The following TENM4 variants were observed in gnomAD, a reference collection of about 807,000 sequenced individuals.
TENM4 encodes teneurin transmembrane protein 4.
TENM4 carries 82 observed loss-of-function variants against 243.3 expected under a neutral mutation model. The ratio of observed to expected loss-of-function variants is 0.34; its 90% CI spans 0.28 to 0.40. TENM4 has a LOEUF of 0.40. Among genes scored for constraint, TENM4 ranks in the 10% least tolerant of loss-of-function variants. The pLI, the probability that TENM4 is intolerant of heterozygous loss-of-function variation, is 1.00. For missense variants in TENM4, 3,138 were observed against 3,673.3 expected, an observed-to-expected ratio of 0.85 and a Z score of 3.77; for synonymous variants, 1,412 against 1,456.3, an observed-to-expected ratio of 0.97 and a Z score of 0.69.
intron 6 of TENM4, among the ~76,000 whole-genome samples, chr11:79,052,710 T>C (rs972139): frequency 0.86 from 130,513 of 152,174 alleles, 57,306 homozygotes; most frequent in Non-Finnish European, 0.97. Flanking sequence ...TCTCTTGGGG[T>C]CGCCATCTGC....
At chr11:79,364,956 G>T (rs1857651558) in intron 1 of TENM4, among the ~76,000 whole-genome samples, 1 of 152,154 alleles carries the variant, frequency 6.6e-6, no homozygotes, top group South Asian at 2.1e-4. Context: ...AAATTTAGTT[G>T]TTTTTATGAA....
chr11:79,363,766 T>G (rs956998149), intron 1 of TENM4, among the ~76,000 whole-genome samples: 2 of 152,220 alleles, frequency 1.3e-5, no homozygotes, highest in Non-Finnish European at 2.9e-5. Context: ...CTAAAAATAA[T>G]AGATTGCACA....
At chr11:79,060,201 C>T (rs554438159) in intron 6 of TENM4, among the ~76,000 whole-genome samples, 40 of 152,368 alleles carry the variant, frequency 2.6e-4, no homozygotes, top group Non-Finnish European at 3.8e-4. Context: ...CCTCCCGACC[C>T]CCAGCCTGTT....
intron 2 of TENM4, among the ~76,000 whole-genome samples, chr11:79,228,439 C>T (rs1024415847): frequency 7.9e-5 from 12 of 152,188 alleles, no homozygotes; most frequent in African/African-American, 2.9e-4. Flanking sequence ...TGCCTCACCT[C>T]CCGGGAAACC....
chr11:78,841,781 GAAGT>G (rs1858263901), intron 12 of TENM4, among the ~76,000 whole-genome samples: 1 of 152,000 alleles, frequency 6.6e-6, no homozygotes, highest in Non-Finnish European at 1.5e-5. Flanking sequence ...GCTCTGTCTA[GAAGT>G]AACTGTTTCC....
chr11:79,269,910 C>T (rs1185859142), intron 2 of TENM4, among the ~76,000 whole-genome samples: 1 of 152,146 alleles, frequency 6.6e-6, no homozygotes, highest in Non-Finnish European at 1.5e-5. Context: ...GCAGGATTAA[C>T]TACTTCTGGG....
At chr11:79,166,457 G>A (rs570964998) in intron 3 of TENM4, among the ~76,000 whole-genome samples, 44 of 152,230 alleles carry the variant, frequency 2.9e-4, no homozygotes, top group African/African-American at 1.0e-3. Context: ...GCCCCTGAAA[G>A]GTTTATGCAC....
At chr11:78,836,603 A>T (rs1204422489) in intron 12 of TENM4, among the ~76,000 whole-genome samples, 1 of 152,176 alleles carries the variant, frequency 6.6e-6, no homozygotes, top group Non-Finnish European at 1.5e-5. Flanking sequence ...TGTTTTGGGG[A>T]TGCGGATGTA....
chr11:79,439,698 C>A (rs1314508099), intron 1 of TENM4, among the ~76,000 whole-genome samples: 3 of 152,060 alleles, frequency 2.0e-5, no homozygotes, highest in African/African-American at 7.2e-5. Context: ...CACACGCCGC[C>A]CCACTACCTT....
chr11:78,764,872 T>A (rs1020537723), intron 18 of TENM4, among the ~76,000 whole-genome samples: 1 of 152,162 alleles, frequency 6.6e-6, no homozygotes, highest in Non-Finnish European at 1.5e-5. Context: ...GCTGGATTAT[T>A]TCCTGGAAGA....
intron 28 of TENM4, among the ~76,000 whole-genome samples, chr11:78,689,893 G>A (rs1858777198): frequency 6.6e-6 from 1 of 152,188 alleles, no homozygotes; most frequent in Non-Finnish European, 1.5e-5. Context: ...ATCAATTCTG[G>A]GGGAGGGGCC....
intron 1 of TENM4, among the ~76,000 whole-genome samples, chr11:79,310,338 G>T (rs1041938446): frequency 1.3e-5 from 2 of 152,138 alleles, no homozygotes; most frequent in African/African-American, 4.8e-5. Context: ...AAGATAATAA[G>T]ACTTTGGCCT....
intron 9 of TENM4, among the ~76,000 whole-genome samples, chr11:78,865,290 G>A (rs1055773462): frequency 1.3e-5 from 2 of 152,082 alleles, no homozygotes; most frequent in Non-Finnish European, 2.9e-5. Flanking sequence ...ATTAACACAC[G>A]CAAGGTTAAA....
chr11:78,836,892 T>TA (rs1247269931), intron 12 of TENM4, among the ~76,000 whole-genome samples: 2 of 152,212 alleles, frequency 1.3e-5, no homozygotes, highest in Non-Finnish European at 2.9e-5. Context: ...TACAGGTGTG[T>TA]AACAGAGCTG....
chr11:78,785,293 G>A (rs942848834), intron 16 of TENM4, among the ~76,000 whole-genome samples: 1 of 152,130 alleles, frequency 6.6e-6, no homozygotes, highest in African/African-American at 2.4e-5. Flanking sequence ...GTAACATGAC[G>A]CAGCACAACC....
chr11:79,146,466 G>T (rs1454160202), intron 4 of TENM4, among the ~76,000 whole-genome samples: 1 of 152,090 alleles, frequency 6.6e-6, no homozygotes, highest in Non-Finnish European at 1.5e-5. Context: ...GATGGCCAAG[G>T]TGTGGAAACA....
chr11:78,744,574 C>T (rs1326471797), intron 19 of TENM4, among the ~76,000 whole-genome samples: 4 of 152,184 alleles, frequency 2.6e-5, no homozygotes, highest in South Asian at 4.1e-4. Flanking sequence ...CTGACCGACA[C>T]GTACTGAAAT....
At chr11:79,067,299 A>G (rs1363032692) in intron 5 of TENM4, among the ~76,000 whole-genome samples, 1 of 152,098 alleles carries the variant, frequency 6.6e-6, no homozygotes, top group Non-Finnish European at 1.5e-5. Context: ...GCCAAATTAG[A>G]GCCTAAATTC....
chr11:78,696,227 C>T lies in TENM4; in HGVS notation c.5087+5299G>A, dbSNP rs867994820. On this transcript the variant is annotated intron_variant, in intron 28 of 33. Coordinates refer to ENST00000278550, the MANE Select transcript of TENM4 (RefSeq NM_001098816.3). ...CCGTGGTTTTCATTTCTAACAATTC[C>T]ATTTGATTCTTTCTTATCGTTTCTG... 2.6e-5 allele frequency among the ~76,000 whole-genome samples: 4 copies of T among 152,196 alleles called. No homozygotes were observed. In the South Asian group the frequency reaches 8.3e-4, roughly 32 times the overall value.
Sources: gnomAD v4.1 joint callset for allele counts (sites outside exome capture counted in the v4.1 genomes callset) on GRCh38, gnomAD v4.1.1 for gene constraint, MANE v1.5 for transcripts, NCBI Gene and HGNC (gene_info 2026-07-23, HGNC 2026-07-21) for gene names.